Variants in NAV1 observed in about 807,000 individuals in gnomAD.
NAV1 encodes pore membrane and/or filament interacting like protein 3.
Under a neutral mutation model 175.2 loss-of-function variants are expected in NAV1, and 18 were observed. That is an observed-to-expected ratio of 0.10 (90% CI 0.07 to 0.15). The LOEUF (loss-of-function observed/expected upper bound fraction) is 0.15, where lower values mean the gene tolerates loss of function less well. Ranked by LOEUF, NAV1 falls within the 10% of genes least tolerant of loss-of-function variation. NAV1 has a pLI of 1.00. For synonymous variants in NAV1, 897 were observed against 978.7 expected, an observed-to-expected ratio of 0.92 and a Z score of 1.56; for missense variants, 1,731 against 2,436.6, an observed-to-expected ratio of 0.71 and a Z score of 6.10.
chr1:201,803,599 G>A (rs376014588), exon 16 of NAV1: 15 of 1,612,922 alleles, frequency 9.3e-6, no homozygotes, highest in African/African-American at 1.3e-5. Context: ...CTAGAACTTC[G>A]GATCAAGAGA....
At chr1:201,796,642 T>A (rs942387906) in intron 15 of NAV1, 2 of 152,170 alleles carry the variant, frequency 1.3e-5, no homozygotes, top group Non-Finnish European at 2.9e-5. Flanking sequence ...AGCTCCACAT[T>A]CTTGCTAACA....
intron 28 of NAV1, among the ~76,000 whole-genome samples, chr1:201,816,649 G>C (rs116034220): frequency 6.7e-6 from 1 of 149,706 alleles, no homozygotes. Context: ...TCAGAGCCTC[G>C]AGGATTTACA....
intron 21 of NAV1, 52 bp from the exon 26 acceptor site, chr1:201,809,390 A>C: frequency 6.3e-7 from 1 of 1,597,488 alleles, no homozygotes; most frequent in East Asian, 2.2e-5. Context: ...ACCCCGGTTC[A>C]TGGAGTCATC....
chr1:201,593,392 C>A (rs1422243053), intron 2 of NAV1, among the ~76,000 whole-genome samples: 2 of 152,202 alleles, frequency 1.3e-5, no homozygotes, highest in African/African-American at 4.8e-5. Context: ...GACATTTGCT[C>A]TCCCTCCAAG....
intron 2 of NAV1, among the ~76,000 whole-genome samples, chr1:201,608,438 T>G (rs112694984): frequency 2.6e-5 from 4 of 152,334 alleles, no homozygotes; most frequent in African/African-American, 7.2e-5. Context: ...AGCCTCGGTC[T>G]AACCTCCTGA....
rs749891584 is a variant in NAV1, at chr1:201,809,934, C to T, written c.4402-12C>T. 6.2e-7 allele frequency: 1 copy of T among 1,602,948 alleles called. No homozygotes were observed. The highest frequency in any genetic ancestry group is 1.1e-5 in the South Asian group (1 of 90,202). On this transcript the variant is annotated splice_polypyrimidine_tract_variant and intron_variant, in intron 22 of 29. Coordinates refer to ENST00000367296, the Ensembl canonical transcript of NAV1. ...TATATTTTCTTCTTCTTCTGCCTGTCTTTTCTGTCAGGACTATATTTCTAA... is the reference window on the plus strand; with the variant it reads ...TATATTTTCTTCTTCTTCTGCCTGTTTTTTCTGTCAGGACTATATTTCTAA...
intron 3 of NAV1, among the ~76,000 whole-genome samples, chr1:201,729,522 TC>T (rs530626745): frequency 2.6e-4 from 39 of 152,072 alleles, no homozygotes; most frequent in African/African-American, 8.9e-4. Flanking sequence ...GCTCCTGTAG[TC>T]CCAGCTACTT....
chr1:201,624,174 T>C (rs1329801545), intron 1 of NAV1, among the ~76,000 whole-genome samples: 1 of 152,140 alleles, frequency 6.6e-6, no homozygotes, highest in South Asian at 2.1e-4. Context: ...GCCTGGCATA[T>C]CAGGAATTAG....
chr1:201,743,507 GACTGATCTACCTT>G (rs1401392380), intron 3 of NAV1, among the ~76,000 whole-genome samples: 5 of 152,228 alleles, frequency 3.3e-5, no homozygotes, highest in African/African-American at 1.2e-4. Flanking sequence ...TATAGCTCCT[GACTGATCTACCTT>G]ACTGGGATGT....
At chr1:201,660,364 G>A (rs1300720806) in intron 1 of NAV1, among the ~76,000 whole-genome samples, 1 of 152,094 alleles carries the variant, frequency 6.6e-6, no homozygotes, top group Non-Finnish European at 1.5e-5. Context: ...AGGCAGCATC[G>A]AGAGGCTGTT....
intron 2 of NAV1, among the ~76,000 whole-genome samples, chr1:201,615,018 A>G (rs1311209384): frequency 6.6e-6 from 1 of 152,196 alleles, no homozygotes. Flanking sequence ...TAGACAGCAG[A>G]CAGCTGTGGG....
intron 1 of NAV1, among the ~76,000 whole-genome samples, chr1:201,571,054 G>A (rs1558001627): frequency 6.6e-6 from 1 of 152,268 alleles, no homozygotes; most frequent in Non-Finnish European, 1.5e-5. Flanking sequence ...GCCAAGGGCT[G>A]TATCAGCCCC....
rs367821365 is a variant in NAV1 at position 201,666,137 on chromosome 1, G to A, written c.757+16712G>A. Among the ~76,000 whole-genome samples the A allele has an allele frequency of 7.9e-5, 12 of 152,116 alleles. No individual in the cohort carries two copies. The South Asian group carries it at 1.0e-3, about 13-fold the overall frequency. On this transcript the variant is annotated intron_variant, in intron 1 of 29. Transcript: ENST00000367296. ...CCACCATTCTCATAAACAGCCCACCGCTCTAATCGCTCCTTCCCCAGCAAC... is the reference window on the plus strand; with the variant it reads ...CCACCATTCTCATAAACAGCCCACCACTCTAATCGCTCCTTCCCCAGCAAC...
At chr1:201,678,938 C>T (rs899914278) in intron 1 of NAV1, among the ~76,000 whole-genome samples, 3 of 152,128 alleles carry the variant, frequency 2.0e-5, no homozygotes, top group African/African-American at 7.2e-5. Context: ...CTGCTTCCAG[C>T]TGGGACACAG....
At chr1:201,793,166 C>T (rs1392294429) in intron 13 of NAV1, 1 of 152,370 alleles carries the variant, frequency 6.6e-6, no homozygotes, top group Non-Finnish European at 1.5e-5. Flanking sequence ...TGCCTCTTAT[C>T]CAGAGAGCCC....
chr1:201,669,536 G>A (rs1316561256), intron 1 of NAV1, among the ~76,000 whole-genome samples: 1 of 152,230 alleles, frequency 6.6e-6, no homozygotes, highest in Non-Finnish European at 1.5e-5. Flanking sequence ...ATGAGGGTCA[G>A]GATTGTGAAT....
At chr1:201,729,088 C>T (rs943741955) in intron 3 of NAV1, among the ~76,000 whole-genome samples, 4 of 152,150 alleles carry the variant, frequency 2.6e-5, no homozygotes, top group African/African-American at 9.7e-5. Flanking sequence ...CCAGCTCTGC[C>T]CACCTGTCTA....
intron 7 of NAV1, among the ~76,000 whole-genome samples, chr1:201,785,000 C>A (rs552364089): frequency 6.6e-6 from 1 of 152,236 alleles, no homozygotes; most frequent in East Asian, 1.9e-4. Flanking sequence ...GATCTCCCGA[C>A]CTCGTGATCC....
chr1:201,777,838 G>T (rs1400699632), intron 3 of NAV1, among the ~76,000 whole-genome samples: 2 of 151,990 alleles, frequency 1.3e-5, no homozygotes, highest in African/African-American at 2.4e-5. Context: ...GGGAGGCTGA[G>T]GCACAAGAAT....
Sources: allele counts gnomAD v4.1 joint callset (sites outside exome capture counted in the v4.1 genomes callset), GRCh38; gene constraint gnomAD v4.1.1; transcripts MANE v1.5; gene names NCBI Gene and HGNC (gene_info 2026-07-23, HGNC 2026-07-21).